Variants in RHD observed in about 807,000 individuals in gnomAD.
The protein encoded by RHD is blood group Rh(D) polypeptide.
Under a neutral mutation model 45.5 loss-of-function variants are expected in RHD, and 16 were observed. That is an observed-to-expected ratio of 0.35 (90% CI 0.24 to 0.53). The LOEUF (loss-of-function observed/expected upper bound fraction) is 0.53, where lower values mean the gene tolerates loss of function less well. Among genes scored for constraint, RHD ranks in the 20% least tolerant of loss-of-function variants. The pLI is 0.92. For missense variants in RHD, 306 were observed against 532.0 expected (o/e 0.58, Z 4.18); for synonymous variants, 131 against 217.5 (o/e 0.60, Z 3.50).
chr1:25,323,466 T>C (rs1167632589), intron 9 of RHD, among the ~76,000 whole-genome samples: 6 of 118,842 alleles, frequency 5.0e-5, no homozygotes, highest in African/African-American at 9.0e-5. Context: ...TTTTCTGTAA[T>C]TTTTTTGTTT....
In RHD at chr1:25,302,380, G is replaced by A. The variant is rs1271852021; in HGVS notation, c.801+694G>A. Among the ~76,000 whole-genome samples, 144 of 127,380 alleles carry A rather than the reference G, an allele frequency of 1.1e-3. 32 individuals are homozygous for A. Among genetic ancestry groups the A allele is most frequent in the Non-Finnish European group, 2.1e-3 (113 of 54,646 alleles). The allele number at this position is 127,380 out of a possible 152,430, so 83.6% of individuals were successfully genotyped here. On this transcript the variant is annotated intron_variant, in intron 5 of 9. Coordinates refer to ENST00000328664, the MANE Select transcript of RHD (RefSeq NM_016124.6). ...TCTGGACAGACCAGTGGTGGGGCTC[G>A]GGTGGGAGGCACTGGGGGGGCTGGA... is the stretch of plus-strand genomic sequence containing the variant.
At chr1:25,289,325 G>C (rs1642304380) in intron 2 of RHD, among the ~76,000 whole-genome samples, 1 of 128,484 alleles carries the variant, frequency 7.8e-6, no homozygotes, top group African/African-American at 2.6e-5. Context: ...CTCGAGAGTG[G>C]CTGGGATTAC....
rs1642343058 is a variant in RHD, at chr1:25,289,889, C to T, written c.336-752C>T. On this transcript the variant is annotated intron_variant, in intron 2 of 9. Transcript: ENST00000328664. ...ATAATTTTCTACTCCTGAGCATGCT[C>T]ATTGGTCAAAGGAAGGAAGGAATCA... Among the ~76,000 whole-genome samples the T allele has an allele frequency of 3.1e-5, 4 of 128,646 alleles. 2 individuals carry two copies. The highest frequency in any genetic ancestry group is 3.0e-4 in the Admixed American group (4 of 13,270). The allele number at this position is 128,646 out of a possible 152,430, so 84.4% of individuals were successfully genotyped here. A position where few individuals can be genotyped will look rare whatever the true frequency, so the allele number is the denominator to read the frequency against.
chr1:25,290,905 A>C (rs1642445275), intron 3 of RHD, 114 bp downstream of exon 3: 2 of 1,081,604 alleles, frequency 1.8e-6, no homozygotes, highest in East Asian at 4.6e-5. Context: ...GCTACTTGGG[A>C]GGTTGAGGAG....
rs1640953117 is a variant in RHD at position 25,276,329 on chromosome 1, T to A, written c.148+3634T>A. Among the ~76,000 whole-genome samples the A allele has an allele frequency of 1.6e-5, 2 of 127,070 alleles. 1 individual carries two copies. Among genetic ancestry groups the A allele is most frequent in the Non-Finnish European group, 3.7e-5 (2 of 54,546 alleles). 83.4% of individuals were successfully genotyped at this position (127,070 alleles called of 152,430 possible). A position where few individuals can be genotyped will look rare whatever the true frequency, so the allele number is the denominator to read the frequency against. The stretch of plus-strand genomic sequence containing the variant: ...AAACAAGATTGGTCTCATGTGACAA[T>A]CATCAGAGTTTGGAGATGGGCACGT... On this transcript the variant is annotated intron_variant, in intron 1 of 9. Coordinates refer to ENST00000328664, the MANE Select transcript of RHD (RefSeq NM_016124.6).
rs1273450346 is a variant in RHD at position 25,305,883 on chromosome 1, T to C, written c.940-713T>C. 3.0e-5 allele frequency among the ~76,000 whole-genome samples: 4 copies of C among 131,492 alleles called. 2 individuals carry two copies. 86.3% of individuals were successfully genotyped at this position (131,492 alleles called of 152,430 possible). A position where few individuals can be genotyped will look rare whatever the true frequency, so the allele number is the denominator to read the frequency against. ...TCCCAAAGTGCTGGGATTACAGGCA[T>C]GAGCCACCGTGCCCAACCTGGATTT... On this transcript the variant is annotated intron_variant, in intron 6 of 9. Coordinates refer to ENST00000328664, the MANE Select transcript of RHD (RefSeq NM_016124.6).
At chr1:25,292,172 A>G (rs112896682) in intron 3 of RHD, among the ~76,000 whole-genome samples, 2,395 of 132,698 alleles carry the variant, frequency 0.018, 617 homozygotes, top group Non-Finnish European at 0.028. Context: ...ATGCATGTTT[A>G]CAAAAAAAAG....
Position 25,321,372 on chromosome 1 carries a change from CAG to C in RHD, c.1154-515_1154-514del, listed in dbSNP as rs1352518727. Among the ~76,000 whole-genome samples the C allele has an allele frequency of 9.8e-5, 12 of 122,520 alleles. 4 individuals are homozygous for C. Among genetic ancestry groups the C allele is most frequent in the Non-Finnish European group, 1.5e-4 (8 of 52,324 alleles). 80.4% of individuals were successfully genotyped at this position (122,520 alleles called of 152,430 possible). On this transcript the variant is annotated intron_variant, in intron 8 of 9. Coordinates refer to ENST00000328664, the MANE Select transcript of RHD (RefSeq NM_016124.6). ...TTCAAAAAAAAAAAAAAAATGTCTA[CAG>C]AATCGGCCAGGTGTGGTGGCTCATG...
intron 1 of RHD, among the ~76,000 whole-genome samples, chr1:25,281,658 C>G (rs1557517317): frequency 7.6e-6 from 1 of 130,856 alleles, no homozygotes; most frequent in Non-Finnish European, 1.8e-5. Context: ...GCCACACACC[C>G]CCATTCCTAA....
Position 25,329,045 on chromosome 1 carries a change from C to T in RHD, c.*121C>T, listed in dbSNP as rs775995875. 13 of 1,374,096 alleles carry T rather than the reference C, an allele frequency of 9.5e-6. 4 individuals are homozygous for T. The highest frequency in any genetic ancestry group is 1.3e-5 in the Non-Finnish European group (13 of 975,646). 85.1% of individuals were successfully genotyped at this position (1,374,096 alleles called of 1,614,324 possible). On this transcript the variant is annotated 3_prime_UTR_variant, in exon 10 of 10. Transcript: ENST00000328664. ...AAAGTCTCCAATGTTCGCGCAGGCACTGGAGTCAGAGAAAATGGAGTTGAA... is the reference window on the plus strand; with the variant it reads ...AAAGTCTCCAATGTTCGCGCAGGCATTGGAGTCAGAGAAAATGGAGTTGAA...
In RHD at chr1:25,278,954, G is replaced by A. The variant is rs1641244061; in HGVS notation, c.149-5619G>A. Among the ~76,000 whole-genome samples, 2 of 129,384 alleles carry A rather than the reference G, an allele frequency of 1.5e-5. 1 individual carries two copies. Among genetic ancestry groups the A allele is most frequent in the South Asian group, 4.8e-4 (2 of 4,182 alleles). 84.9% of individuals were successfully genotyped at this position (129,384 alleles called of 152,430 possible). A position where few individuals can be genotyped will look rare whatever the true frequency, so the allele number is the denominator to read the frequency against. ...GGCAGCAGTGGGAGCACAGGGTGGAGGTCAACCCTAGAGCCTGGGAGAGTG... is the reference window on the plus strand; with the variant it reads ...GGCAGCAGTGGGAGCACAGGGTGGAAGTCAACCCTAGAGCCTGGGAGAGTG... On this transcript the variant is annotated intron_variant, in intron 1 of 9. Coordinates refer to ENST00000328664, the MANE Select transcript of RHD (RefSeq NM_016124.6).
In RHD at chr1:25,280,250, A is replaced by G. The variant is rs1286285017; in HGVS notation, c.149-4323A>G. Among the ~76,000 whole-genome samples the G allele has an allele frequency of 1.6e-5, 2 of 127,192 alleles. 1 individual carries two copies. Among genetic ancestry groups the G allele is most frequent in the Non-Finnish European group, 3.7e-5 (2 of 54,498 alleles). The allele number at this position is 127,192 out of a possible 152,430, so 83.4% of individuals were successfully genotyped here. A position where few individuals can be genotyped will look rare whatever the true frequency, so the allele number is the denominator to read the frequency against. ...TACCTGGAATCAGGGAATCGGGATC[A>G]GGGGCAGCAGCTGTGCCCAATAAAG... On this transcript the variant is annotated intron_variant, in intron 1 of 9. Transcript: ENST00000328664.
intron 2 of RHD, among the ~76,000 whole-genome samples, chr1:25,286,656 G>A (rs1473707310): frequency 7.5e-5 from 10 of 133,320 alleles, no homozygotes; most frequent in African/African-American, 2.4e-4. Flanking sequence ...CGTGGTGGTG[G>A]GCGCCTGTAG....
Position 25,306,718 on chromosome 1 carries a change from C to A in RHD, c.1062C>A (p.Ala354=), listed in dbSNP as rs778695625. 2 of 1,377,452 alleles carry A rather than the reference C, an allele frequency of 1.5e-6. 1 individual carries two copies. Among genetic ancestry groups the A allele is most frequent in the Non-Finnish European group, 2.0e-6 (2 of 978,494 alleles). 85.3% of individuals were successfully genotyped at this position (1,377,452 alleles called of 1,614,324 possible). A position where few individuals can be genotyped will look rare whatever the true frequency, so the allele number is the denominator to read the frequency against. Reference sequence around the variant, plus strand: ...TGCTGGTGCTTGATACCGTCGGAGCCGGCAATGGCATGTGGGTCACTGGGC... The same window carrying A: ...TGCTGGTGCTTGATACCGTCGGAGCAGGCAATGGCATGTGGGTCACTGGGC... ...IVLLVLDTVG[A]GNGMIGFQVL... The change falls in exon 7 of 10, where the codon GCC becomes GCA. Residue 354 remains alanine, a synonymous_variant. Coordinates refer to ENST00000328664, the MANE Select transcript of RHD (RefSeq NM_016124.6).
intron 4 of RHD, 24 bp downstream of exon 4, chr1:25,301,117 G>A: frequency 2.2e-6 from 3 of 1,373,004 alleles, no homozygotes; most frequent in African/African-American, 1.4e-5. Flanking sequence ...GGGGTGAGTG[G>A]TCTCCTACTT....
chr1:25,272,508 C>G, upstream of RHD: 1 of 1,555,382 alleles, frequency 6.4e-7, no homozygotes, highest in East Asian at 2.2e-5. Context: ...AGGGGTGATG[C>G]CTGGTGCTGG....
rs1284797643 is a variant in RHD, at chr1:25,314,589, C to G, written c.1074-2411C>G. On this transcript the variant is annotated intron_variant, in intron 7 of 9. Coordinates refer to ENST00000328664, the MANE Select transcript of RHD (RefSeq NM_016124.6). The stretch of plus-strand genomic sequence containing the variant: ...GCCCACTACAACCTCTGCCTCCCAG[C>G]TTCAAGCAATTCTCATACTTCATCC... 4.5e-5 allele frequency among the ~76,000 whole-genome samples: 6 copies of G among 132,898 alleles called. 1 individual carries two copies. Among genetic ancestry groups the G allele is most frequent in the South Asian group, 4.6e-4 (2 of 4,360 alleles). The allele number at this position is 132,898 out of a possible 152,430, so 87.2% of individuals were successfully genotyped here. A position where few individuals can be genotyped will look rare whatever the true frequency, so the allele number is the denominator to read the frequency against.
chr1:25,310,989 G>GAA (rs1644115068), intron 7 of RHD, among the ~76,000 whole-genome samples: 1 of 124,364 alleles, frequency 8.0e-6, no homozygotes, highest in Admixed American at 7.7e-5. Context: ...AAAAAAAAAA[G>GAA]AAAGAAAAAG....
rs1456392798 is a variant in RHD, at chr1:25,292,896, G to C, written c.486+2105G>C. On this transcript the variant is annotated intron_variant, in intron 3 of 9. Transcript: ENST00000328664. The stretch of plus-strand genomic sequence containing the variant: ...CATTTTAGAGGGGGGACATGTGTAA[G>C]AGCCAGCAAAGGAGACAGAATTGTG... 2.5e-5 allele frequency among the ~76,000 whole-genome samples: 3 copies of C among 121,172 alleles called. 1 individual carries two copies. Among genetic ancestry groups the C allele is most frequent in the African/African-American group, 8.5e-5 (3 of 35,468 alleles). The allele number at this position is 121,172 out of a possible 152,430, so 79.5% of individuals were successfully genotyped here. A position where few individuals can be genotyped will look rare whatever the true frequency, so the allele number is the denominator to read the frequency against.
Sources: allele counts gnomAD v4.1 joint callset (sites outside exome capture counted in the v4.1 genomes callset), GRCh38; gene constraint gnomAD v4.1.1; transcripts MANE v1.5; gene names NCBI Gene and HGNC (gene_info 2026-07-23, HGNC 2026-07-21).